Variants in RGS6 observed in about 807,000 individuals in gnomAD.
RGS6 encodes regulator of G-protein signaling 6.
A neutral mutation model predicts 78.5 loss-of-function variants in RGS6; 30 were observed. The ratio of observed to expected loss-of-function variants is 0.38; its 90% CI spans 0.29 to 0.52. The LOEUF is 0.52. Ranked by LOEUF, RGS6 falls within the 20% of genes least tolerant of loss-of-function variation. The pLI is 0.85. For missense variants in RGS6, 495 were observed against 609.7 expected, an observed-to-expected ratio of 0.81 and a Z score of 1.98; for synonymous variants, 206 against 206.0, an observed-to-expected ratio of 1.00 and a Z score of 0.00.
intron 17 of RGS6, among the ~76,000 whole-genome samples, chr14:72,552,160 G>T (rs1317881141): frequency 6.6e-6 from 1 of 152,236 alleles, no homozygotes; most frequent in Admixed American, 6.5e-5. Flanking sequence ...TCTGCACAAG[G>T]TGCATGTATT....
intron 2 of RGS6, among the ~76,000 whole-genome samples, chr14:71,976,127 T>C (rs1029980045): frequency 5.3e-5 from 8 of 151,958 alleles, no homozygotes; most frequent in Admixed American, 6.5e-5. Context: ...ATTCCTAAAC[T>C]TATTAATCAT....
intron 2 of RGS6, among the ~76,000 whole-genome samples, chr14:72,158,314 G>A (rs761515045): frequency 7.9e-5 from 12 of 152,090 alleles, no homozygotes; most frequent in South Asian, 2.1e-4. Flanking sequence ...TCTTCTTCTC[G>A]TGAGGACACC....
chr14:72,443,742 T>C (rs978454053), intron 3 of RGS6, among the ~76,000 whole-genome samples: 1 of 152,236 alleles, frequency 6.6e-6, no homozygotes, highest in African/African-American at 2.4e-5. Context: ...TATGCTCAGC[T>C]GCCCTCGAAA....
chr14:72,082,166 TA>T (rs1013970802), intron 2 of RGS6, among the ~76,000 whole-genome samples: 13 of 151,718 alleles, frequency 8.6e-5, no homozygotes, highest in East Asian at 1.9e-4. Flanking sequence ...TTTTAGGATT[TA>T]AAAAAAAATT....
At chr14:72,152,227 AG>A (rs2096702002) in intron 2 of RGS6, among the ~76,000 whole-genome samples, 1 of 119,182 alleles carries the variant, frequency 8.4e-6, no homozygotes, top group African/African-American at 3.2e-5. Context: ...TGCATGAGAG[AG>A]AGAGAGAGAG....
chr14:72,541,422 C>T, intron 17 of RGS6: 1 of 1,523,972 alleles, frequency 6.6e-7, no homozygotes, highest in Non-Finnish European at 8.8e-7. Flanking sequence ...TCCATCCCTT[C>T]CCTTCCTCGG....
chr14:72,205,395 C>T (rs1015928013), intron 2 of RGS6, among the ~76,000 whole-genome samples: 1 of 152,224 alleles, frequency 6.6e-6, no homozygotes, highest in African/African-American at 2.4e-5. Context: ...TATGACTATG[C>T]AACGTGCAAG....
intron 2 of RGS6, among the ~76,000 whole-genome samples, chr14:72,002,248 A>G (rs1014621812): frequency 6.6e-6 from 1 of 152,138 alleles, no homozygotes; most frequent in Non-Finnish European, 1.5e-5. Flanking sequence ...CCAAGTAGGA[A>G]GTCCAAATGC....
At chr14:72,629,118 A>T in the RGS6 span, among the ~76,000 whole-genome samples, 1 of 152,162 alleles carries the variant, frequency 6.6e-6, no homozygotes. Context: ...TAGCTATGTA[A>T]TATTTTGGTT....
rs79701992 is a variant in RGS6 at position 72,092,838 on chromosome 14, T to C, written c.84+127963T>C. On this transcript the variant is annotated intron_variant, in intron 2 of 17. Transcript: ENST00000553525. Reference sequence around the variant, plus strand: ...AAATAGAATAGTACATTGGTTACAATGAACAAACCAATGTTGATAAAGTAT... The same window carrying C: ...AAATAGAATAGTACATTGGTTACAACGAACAAACCAATGTTGATAAAGTAT... 3.4e-4 allele frequency among the ~76,000 whole-genome samples: 52 copies of C among 152,348 alleles called. 1 individual carries two copies. In the East Asian group the frequency reaches 7.3e-3, roughly 21 times the overall value.
the RGS6 span, among the ~76,000 whole-genome samples, chr14:72,620,512 G>T: frequency 1.3e-5 from 2 of 152,182 alleles, no homozygotes; most frequent in African/African-American, 4.8e-5. Flanking sequence ...GCTTCCAGAA[G>T]CTTCCTCACT....
chr14:71,878,912 C>T, the RGS6 span, among the ~76,000 whole-genome samples: 1 of 152,120 alleles, frequency 6.6e-6, no homozygotes, highest in African/African-American at 2.4e-5. Context: ...TGCTGATGTA[C>T]AATTAGAGTC....
chr14:72,562,765 G>A lies in RGS6; in HGVS notation c.*298G>A. The A allele has an allele frequency of 2.6e-6, 4 of 1,532,832 alleles. No individual in the cohort carries two copies. Among genetic ancestry groups the A allele is most frequent in the Non-Finnish European group, 3.5e-6 (4 of 1,143,870 alleles). The allele number at this position is 1,532,832 out of a possible 1,614,324, so 95.0% of individuals were successfully genotyped here. Reference sequence around the variant, plus strand: ...AGAGGCCCTGATCCCAGCTCATTCAGGGGAGAACACGTCGTGGGGTTCCTG... The same window carrying A: ...AGAGGCCCTGATCCCAGCTCATTCAAGGGAGAACACGTCGTGGGGTTCCTG... On this transcript the variant is annotated 3_prime_UTR_variant, in exon 18 of 18. Coordinates refer to ENST00000553525, the MANE Select transcript of RGS6 (RefSeq NM_001204424.2).
intron 3 of RGS6, among the ~76,000 whole-genome samples, chr14:72,384,724 G>A (rs1168006369): frequency 1.3e-5 from 2 of 151,898 alleles, no homozygotes; most frequent in African/African-American, 4.8e-5. Flanking sequence ...TTTAACTGAG[G>A]GGACACGGTT....
rs545089710 is a variant in RGS6 at position 71,945,753 on chromosome 14, T to C, written c.-21+12812T>C. 4.6e-5 allele frequency among the ~76,000 whole-genome samples: 7 copies of C among 152,304 alleles called. No individual in the cohort carries two copies. In the South Asian group the frequency reaches 1.4e-3, roughly 32 times the overall value. ...ATTAGGGACAGGTGGAGAATGTGTT[T>C]AAGCGAGAAGTATGTGCTGCTCAGA... On this transcript the variant is annotated intron_variant, in intron 1 of 17. Coordinates refer to ENST00000553525, the MANE Select transcript of RGS6 (RefSeq NM_001204424.2).
intron 2 of RGS6, among the ~76,000 whole-genome samples, chr14:72,233,785 A>G (rs568084362): frequency 6.6e-6 from 1 of 152,260 alleles, no homozygotes; most frequent in East Asian, 1.9e-4. Flanking sequence ...TAGAGGCTGT[A>G]TTCAGTAGGT....
At chr14:72,315,880 C>T (rs2070030509) in intron 2 of RGS6, among the ~76,000 whole-genome samples, 2 of 152,148 alleles carry the variant, frequency 1.3e-5, no homozygotes, top group South Asian at 4.2e-4. Flanking sequence ...GCAGATTGGC[C>T]CACTTAACTC....
At chr14:71,999,382 C>T (rs373806214) in intron 2 of RGS6, among the ~76,000 whole-genome samples, 26 of 152,118 alleles carry the variant, frequency 1.7e-4, no homozygotes, top group Non-Finnish European at 2.6e-4. Flanking sequence ...CGGGATGGTG[C>T]GGAATGCTTT....
chr14:72,240,940 C>A (rs773054883), intron 2 of RGS6, among the ~76,000 whole-genome samples: 1 of 152,028 alleles, frequency 6.6e-6, no homozygotes, highest in Non-Finnish European at 1.5e-5. Flanking sequence ...AGGTGGATCA[C>A]GAGGTCAGGA....
Sources: gnomAD v4.1 joint callset for allele counts (sites outside exome capture counted in the v4.1 genomes callset) on GRCh38, gnomAD v4.1.1 for gene constraint, MANE v1.5 for transcripts, NCBI Gene and HGNC (gene_info 2026-07-23, HGNC 2026-07-21) for gene names.